Variants in TSHR observed in about 807,000 individuals in gnomAD.
The protein encoded by TSHR is thyroid stimulating hormone receptor.
A neutral mutation model predicts 64.1 loss-of-function variants in TSHR; 51 were observed. The observed-to-expected ratio is 0.80, with a 90% CI of 0.64 to 1.01. The LOEUF is 1.01. Ranked by LOEUF, TSHR falls within the 50% of genes least tolerant of loss-of-function variation. The pLI, the probability that TSHR is intolerant of heterozygous loss-of-function variation, is 0.00. For missense variants in TSHR, 877 were observed against 942.8 expected (o/e 0.93, Z 0.91); for synonymous variants, 361 against 361.9 (o/e 1.00, Z 0.03).
rs115110829 is a variant in TSHR, at chr14:81,131,221, T to C, written c.693-8458T>C. ...ACCCTTCTCTTTCTCACATACCCCA[T>C]ATCCCATCCATCAGAAAGTCCCAAT... On this transcript the variant is annotated intron_variant, in intron 8 of 9. Coordinates refer to ENST00000298171, the MANE Select transcript of TSHR (RefSeq NM_000369.5). Among the ~76,000 whole-genome samples the C allele has an allele frequency of 7.3e-3, 1,113 of 152,232 alleles. 17 individuals are homozygous for C. The highest frequency in any genetic ancestry group is 0.024 in the African/African-American group (1,003 of 41,546).
At chr14:80,966,590 A>T (rs569558680) in intron 1 of TSHR, among the ~76,000 whole-genome samples, 39 of 152,322 alleles carry the variant, frequency 2.6e-4, no homozygotes, top group Admixed American at 2.2e-3. Context: ...CAAAAAAAAA[A>T]ATAAAAATTT....
chr14:81,007,083 C>T (rs147927240), intron 1 of TSHR, among the ~76,000 whole-genome samples: 27 of 152,224 alleles, frequency 1.8e-4, no homozygotes, highest in African/African-American at 6.3e-4. Flanking sequence ...TAAATGTTTG[C>T]GTCCTCTCAA....
chr14:81,141,486 G>T (rs2300541), intron 9 of TSHR, among the ~76,000 whole-genome samples: 22,192 of 152,282 alleles, frequency 0.15, 1,946 homozygotes, highest in East Asian at 0.34. Context: ...TGCCTGTATG[G>T]TAGTGTCCAT....
At chr14:80,991,260 A>T (rs574684772) in intron 1 of TSHR, among the ~76,000 whole-genome samples, 8 of 152,322 alleles carry the variant, frequency 5.3e-5, no homozygotes, top group Admixed American at 2.0e-4. Context: ...ATGACAAAAA[A>T]CACCTAAGTA....
intron 1 of TSHR, among the ~76,000 whole-genome samples, chr14:80,973,936 G>T (rs1887730336): frequency 2.0e-5 from 3 of 152,176 alleles, no homozygotes. Context: ...AAGAGGTGTG[G>T]TATAATTCTT....
chr14:81,026,635 T>C (rs1031674539), intron 1 of TSHR, among the ~76,000 whole-genome samples: 1 of 152,078 alleles, frequency 6.6e-6, no homozygotes, highest in South Asian at 2.1e-4. Context: ...AGAGTGAAGA[T>C]AAGAAGTCTC....
At chr14:81,108,934 A>T in intron 8 of TSHR, 1 of 1,377,758 alleles carries the variant, frequency 7.3e-7, no homozygotes, top group Non-Finnish European at 9.4e-7. Context: ...ACATTTTTTA[A>T]ACAGCATGAA....
chr14:81,141,922 G>A (rs1463957696), intron 9 of TSHR, among the ~76,000 whole-genome samples: 1 of 152,230 alleles, frequency 6.6e-6, no homozygotes, highest in South Asian at 2.1e-4. Flanking sequence ...GCTATTGTAA[G>A]AGCCTTAAAA....
intron 6 of TSHR, among the ~76,000 whole-genome samples, chr14:81,094,812 G>T (rs535307564): frequency 2.0e-5 from 3 of 148,272 alleles, no homozygotes; most frequent in Non-Finnish European, 4.5e-5. Context: ...TCAGCCTCCC[G>T]AATAGCTCCT....
intron 1 of TSHR, among the ~76,000 whole-genome samples, chr14:81,008,680 T>C (rs1889737350): frequency 6.6e-6 from 1 of 152,226 alleles, no homozygotes; most frequent in African/African-American, 2.4e-5. Flanking sequence ...ATCCTTAAAA[T>C]GTGAAGAATT....
chr14:81,001,748 T>C (rs1889332958), intron 1 of TSHR: 1 of 384,738 alleles, frequency 2.6e-6, no homozygotes, highest in African/African-American at 2.1e-5. Flanking sequence ...TTGAAATTCT[T>C]GATTTGCCTG....
At chr14:80,974,548 C>G (rs955886812) in intron 1 of TSHR, among the ~76,000 whole-genome samples, 2 of 152,124 alleles carry the variant, frequency 1.3e-5, no homozygotes, top group Non-Finnish European at 2.9e-5. Context: ...TTCACAACCA[C>G]CCTCAATCCC....
intron 3 of TSHR, among the ~76,000 whole-genome samples, chr14:81,083,046 C>T (rs1888025258): frequency 6.6e-6 from 1 of 151,950 alleles, no homozygotes; most frequent in Admixed American, 6.6e-5. Flanking sequence ...AAAAAGTCTT[C>T]CTTAACAGAA....
intron 1 of TSHR, among the ~76,000 whole-genome samples, chr14:81,000,024 T>C (rs58729405): frequency 0.13 from 20,124 of 150,894 alleles, 1,641 homozygotes; most frequent in East Asian, 0.38. Context: ...TTCCACCTCC[T>C]GGGTTCAAGC....
At chr14:80,991,601 A>G (rs2139741580) in intron 1 of TSHR, 1 of 398,602 alleles carries the variant, frequency 2.5e-6, no homozygotes, top group East Asian at 3.6e-5. Context: ...ACATTGAAGG[A>G]GACATTTTAA....
chr14:80,986,191 G>A (rs1467488776), intron 1 of TSHR, among the ~76,000 whole-genome samples: 1 of 152,068 alleles, frequency 6.6e-6, no homozygotes, highest in Non-Finnish European at 1.5e-5. Flanking sequence ...GAAGGTTTGG[G>A]GATTATGTAG....
chr14:81,028,947 T>TA (rs1434646507), intron 1 of TSHR, among the ~76,000 whole-genome samples: 1 of 151,054 alleles, frequency 6.6e-6, no homozygotes, highest in Non-Finnish European at 1.5e-5. Flanking sequence ...GAATCAGAAA[T>TA]AAAAAAGGAG....
chr14:81,059,230 T>C (rs780211590), intron 1 of TSHR, among the ~76,000 whole-genome samples: 1 of 152,178 alleles, frequency 6.6e-6, no homozygotes, highest in Non-Finnish European at 1.5e-5. Context: ...TTTTGTTCTT[T>C]ATTTGAAGGG....
chr14:81,134,401 G>T (rs993734334), intron 8 of TSHR, among the ~76,000 whole-genome samples: 2 of 152,138 alleles, frequency 1.3e-5, no homozygotes, highest in Admixed American at 1.3e-4. Flanking sequence ...CTCCCAAAGT[G>T]CTGCGATTAC....
Sources: gnomAD v4.1 joint callset for allele counts (sites outside exome capture counted in the v4.1 genomes callset) on GRCh38, gnomAD v4.1.1 for gene constraint, MANE v1.5 for transcripts, NCBI Gene and HGNC (gene_info 2026-07-23, HGNC 2026-07-21) for gene names.